Variants in MCFD2 observed in about 807,000 individuals in gnomAD.
MCFD2 encodes the protein multiple coagulation factor deficiency 2, ER cargo receptor complex subunit, also known as multiple coagulation factor deficiency protein 2.
Under a neutral mutation model 12.8 loss-of-function variants are expected in MCFD2, and 11 were observed. That is an observed-to-expected ratio of 0.86 (90% CI 0.54 to 1.42). The LOEUF is 1.42. MCFD2 is among the 40% of genes most tolerant of loss of function. The pLI, the probability that MCFD2 is intolerant of heterozygous loss-of-function variation, is 0.00. For synonymous variants in MCFD2, 70 were observed against 68.1 expected (o/e 1.03, Z -0.14); for missense variants, 191 against 178.6 (o/e 1.07, Z -0.40).
chr2:46,940,437 G>C lies in MCFD2; in HGVS notation c.-8+1135C>G, dbSNP rs960504431. On this transcript the variant is annotated intron_variant, in intron 1 of 2. Coordinates refer to the MCFD2 transcript ENST00000409147. This position sits in a 1 kb window ranked among gnomAD's most constrained non-coding sequence, Gnocchi z 4.7. Reference sequence around the variant, plus strand: ...TGTAAGAGGTCTCCCCCCAAGGGTGGACCTCGGCTGCCCCCGCTAGGCCCC... The same window carrying C: ...TGTAAGAGGTCTCCCCCCAAGGGTGCACCTCGGCTGCCCCCGCTAGGCCCC... Among the ~76,000 whole-genome samples, 1 of 152,158 alleles carries C rather than the reference G, an allele frequency of 6.6e-6. No individual in the cohort carries two copies. Among genetic ancestry groups the C allele is most frequent in the Non-Finnish European group, 1.5e-5 (1 of 68,034 alleles).
At chr2:46,938,579 C>G (rs1670094750) in intron 1 of MCFD2, among the ~76,000 whole-genome samples, 1 of 152,164 alleles carries the variant, frequency 6.6e-6, no homozygotes, top group Non-Finnish European at 1.5e-5. Flanking sequence ...TGAGGCCCTT[C>G]CTATCCATAA....
chr2:46,934,787 C>CTTTTCTTTT (rs1669883537), intron 1 of MCFD2, among the ~76,000 whole-genome samples: 1 of 66,888 alleles, frequency 1.5e-5, no homozygotes, highest in African/African-American at 6.5e-5. Flanking sequence ...GACTACTGCT[C>CTTTTCTTTT]TTTTTTTTTT....
chr2:46,909,594 G>A (rs1448761193), intron 1 of MCFD2, among the ~76,000 whole-genome samples: 1 of 152,218 alleles, frequency 6.6e-6, no homozygotes, highest in African/African-American at 2.4e-5. Context: ...TCCTCCGAGT[G>A]GAGGAAAATC....
intron 1 of MCFD2, among the ~76,000 whole-genome samples, chr2:46,921,724 C>G (rs1488920882): frequency 6.6e-6 from 1 of 152,162 alleles, no homozygotes; most frequent in East Asian, 1.9e-4. Flanking sequence ...GGGGGAGGGA[C>G]AATGGTTTCA....
Position 46,905,517 on chromosome 2 carries a change from G to A in MCFD2, c.387C>T (p.Asp129=). ...NIIDGVLRDD[D]KNNDGYIDYA... is the part of the protein sequence containing the mutation. ...AGTCAATGTATCCATCATTGTTCTT[G>A]TCATCATCTCTCAAAACACCATCTA... Residue 129 remains aspartate (D), a synonymous_variant, in exon 4 of 4, where the codon GAC becomes GAT. Transcript: ENST00000319466. 6.2e-7 allele frequency: 1 copy of A among 1,613,352 alleles called. No individual in the cohort carries two copies. The highest frequency in any genetic ancestry group is 8.5e-7 in the Non-Finnish European group (1 of 1,179,742).
rs1572661700 is a variant in MCFD2 at position 46,937,927 on chromosome 2, T to C, written c.-8+3645A>G. 6.6e-6 allele frequency among the ~76,000 whole-genome samples: 1 copy of C among 152,150 alleles called. No homozygotes were observed. The highest frequency in any genetic ancestry group is 1.9e-4 in the East Asian group (1 of 5,198). ...ATGGACTGAAGAAAACTACTGTGTA[T>C]ATATATGTAAAAGAGAGAAGTCTGA... On this transcript the variant is annotated intron_variant, in intron 1 of 2. Transcript: ENST00000409147. This position sits in a 1 kb window ranked among gnomAD's most constrained non-coding sequence, Gnocchi z 4.0.
rs1172017493 is a variant in MCFD2 at position 46,905,369 on chromosome 2, G to A, written c.*94C>T. On this transcript the variant is annotated 3_prime_UTR_variant, in exon 4 of 4. Transcript: ENST00000319466. ...AGGTTTTTACCAAAATGCTGCAGCA[G>A]TAGTTGGAAATGAGTTATTTTGCAT... 7.2e-7 allele frequency: 1 copy of A among 1,380,976 alleles called. No homozygotes were observed. Among genetic ancestry groups the A allele is most frequent in the African/African-American group, 1.4e-5 (1 of 70,400 alleles). 85.5% of individuals were successfully genotyped at this position (1,380,976 alleles called of 1,614,324 possible).
upstream of MCFD2, among the ~76,000 whole-genome samples, chr2:46,917,939 A>G (rs1009118350): frequency 6.6e-6 from 1 of 152,144 alleles, no homozygotes; most frequent in African/African-American, 2.4e-5. Context: ...ATAATTATCA[A>G]AGTGTCCAGG....
intron 1 of MCFD2, 45 bp from the exon 2 acceptor site, chr2:46,909,222 A>T: frequency 2.5e-6 from 4 of 1,587,408 alleles, no homozygotes; most frequent in Non-Finnish European, 2.6e-6. Flanking sequence ...GCATCAGAGC[A>T]AAGGTTTCGT....
chr2:46,910,432 T>G (rs1423541351), intron 1 of MCFD2, among the ~76,000 whole-genome samples: 1 of 152,206 alleles, frequency 6.6e-6, no homozygotes, highest in Non-Finnish European at 1.5e-5. Context: ...CAGGGATTTC[T>G]AACAGGTCAA....
At chr2:46,917,576 A>C (rs756696782), upstream of MCFD2, among the ~76,000 whole-genome samples, 2 of 152,234 alleles carry the variant, frequency 1.3e-5, no homozygotes, top group Non-Finnish European at 2.9e-5. Context: ...AGATGGATAA[A>C]GTGTCCTCAT....
chr2:46,935,010 A>C (rs1479469355), intron 1 of MCFD2, among the ~76,000 whole-genome samples: 1 of 151,834 alleles, frequency 6.6e-6, no homozygotes, highest in Non-Finnish European at 1.5e-5. Flanking sequence ...CATGTTGGCC[A>C]GGATGGTCTT....
At chr2:46,916,034 C>G (rs765732662), upstream of MCFD2, 3 of 985,440 alleles carry the variant, frequency 3.0e-6, no homozygotes, top group Non-Finnish European at 3.6e-6. Flanking sequence ...GCTGGACGCC[C>G]TAGGGGCCCG....
In MCFD2 at chr2:46,915,730, G is replaced by A. The variant is rs1668724248; in HGVS notation, c.-14C>T. On this transcript the variant is annotated 5_prime_UTR_variant, in exon 1 of 4. Coordinates refer to ENST00000319466, the MANE Select transcript of MCFD2 (RefSeq NM_139279.6). The stretch of plus-strand genomic sequence containing the variant: ...GTGCGCTAGTTCACTCACCCTTACG[G>A]TCTCCGAAGCAGACGCGAAGCCCTC... 1.0e-6 allele frequency: 1 copy of A among 977,318 alleles called. No individual in the cohort carries two copies. The highest frequency in any genetic ancestry group is 1.2e-6 in the Non-Finnish European group (1 of 823,068). The allele number at this position is 977,318 out of a possible 1,614,324, so 60.5% of individuals were successfully genotyped here. A position where few individuals can be genotyped will look rare whatever the true frequency, so the allele number is the denominator to read the frequency against.
At chr2:46,939,130 AAAAATAATAGT>A (rs1192431591) in intron 1 of MCFD2, among the ~76,000 whole-genome samples, 1 of 152,192 alleles carries the variant, frequency 6.6e-6, no homozygotes, top group Non-Finnish European at 1.5e-5. Flanking sequence ...ATAATAAATT[AAAAATAATAGT>A]AAAATAAAGT....
At position 46,941,156 on chromosome 2, in the gene MCFD2, C is replaced by T. The variant is rs1670310003; in HGVS notation, c.-8+416G>A. 1 of 147,746 alleles carries T rather than the reference C, an allele frequency of 6.8e-6. No homozygotes were observed. The allele number at this position is 147,746 out of a possible 1,614,324, so 9.2% of individuals were successfully genotyped here. On this transcript the variant is annotated intron_variant, in intron 1 of 2. Coordinates refer to the MCFD2 transcript ENST00000409147. The surrounding 1 kb of genome is among the most constrained non-coding windows in gnomAD (Gnocchi z 4.2). The stretch of plus-strand genomic sequence containing the variant: ...GGCTCGCCGAGGCCTCCCCACGCCC[C>T]CGCGGGGGTGGAGCCGCGGCCAGGG...
rs542469785 is a variant in MCFD2, at chr2:46,931,037, T to C, written c.-8+10535A>G. 4.3e-4 allele frequency among the ~76,000 whole-genome samples: 65 copies of C among 152,354 alleles called. 1 individual carries two copies. In the South Asian group the frequency reaches 8.7e-3, roughly 20 times the overall value. On this transcript the variant is annotated intron_variant, in intron 1 of 2. Coordinates refer to the MCFD2 transcript ENST00000409147. ...TACCAGAATTCTAAACAAAACATTT[T>C]ATTAGCAATTCAAATCAAACAATAT...
chr2:46,916,172 C>G (rs1346476619), upstream of MCFD2: 2 of 985,224 alleles, frequency 2.0e-6, no homozygotes, highest in Non-Finnish European at 2.4e-6. Context: ...ATACAGGGCT[C>G]TTGGTTCAGG....
upstream of MCFD2, among the ~76,000 whole-genome samples, chr2:46,917,016 C>A (rs1263253328): frequency 6.6e-6 from 1 of 152,108 alleles, no homozygotes; most frequent in Non-Finnish European, 1.5e-5. Context: ...TGGGTCCGGA[C>A]AGGAAAGACA....
Sources: allele counts gnomAD v4.1 joint callset (sites outside exome capture counted in the v4.1 genomes callset), GRCh38; gene constraint gnomAD v4.1.1; non-coding constraint Gnocchi (gnomAD v3.1); transcripts MANE v1.5; gene names NCBI Gene and HGNC (gene_info 2026-07-23, HGNC 2026-07-21).